The following GPM6B variants were observed in gnomAD, a reference collection of about 807,000 sequenced individuals.
GPM6B encodes neuronal membrane glycoprotein M6-b.
In GPM6B, 4 loss-of-function variants were observed where a neutral mutation model predicts 27.2. That is an observed-to-expected ratio of 0.15 (90% CI 0.07 to 0.34). The LOEUF (loss-of-function observed/expected upper bound fraction) is 0.34. Among genes scored for constraint, GPM6B ranks in the 10% least tolerant of loss-of-function variants. GPM6B has a pLI of 1.00. For missense variants in GPM6B, 183 were observed against 261.9 expected (o/e 0.70, Z 2.08); for synonymous variants, 124 against 103.1 (o/e 1.20, Z -1.23).
At chrX:13,806,958 TTGGA>T (rs2049033266) in intron 2 of GPM6B, among the ~76,000 whole-genome samples, 1 of 111,129 alleles carries the variant, frequency 9.0e-6, no homozygotes, top group African/African-American at 3.3e-5. Context: ...ACGTGGGAGG[TTGGA>T]TGTTCATACT....
At chrX:13,865,784 A>G (rs1476625669) in intron 1 of GPM6B, among the ~76,000 whole-genome samples, 2 of 107,399 alleles carry the variant, frequency 1.9e-5, no homozygotes, top group African/African-American at 6.7e-5. Context: ...ATAAAAAATG[A>G]AAGAAAAAAA....
chrX:13,885,093 C>T (rs1305558463), intron 1 of GPM6B, among the ~76,000 whole-genome samples: 1 of 112,166 alleles, frequency 8.9e-6, no homozygotes, highest in Non-Finnish European at 1.9e-5. Context: ...ATCTTGTTCC[C>T]CAACTCTGCA....
chrX:13,802,057 G>C (rs748055179), intron 2 of GPM6B, among the ~76,000 whole-genome samples: 185 of 111,339 alleles, frequency 1.7e-3, no homozygotes, highest in African/African-American at 5.6e-3. Flanking sequence ...CTAAGTGGCT[G>C]ATTTCAGCTA....
chrX:13,898,948 A>G (rs954888888), intron 1 of GPM6B, among the ~76,000 whole-genome samples: 1 of 112,132 alleles, frequency 8.9e-6, no homozygotes, highest in East Asian at 2.8e-4. Flanking sequence ...GGATCTACAT[A>G]TTAAAAATAA....
chrX:13,785,692 C>T lies in GPM6B; in HGVS notation c.298G>A (p.Ala100Thr), dbSNP rs748452654. 2.4e-5 allele frequency: 29 copies of T among 1,209,974 alleles called. No homozygotes were observed. The highest frequency in any genetic ancestry group is 1.4e-4 in the African/African-American group (8 of 57,203). Residue 100 changes from alanine to threonine, a missense_variant, in exon 3 of 8, where the codon GCA becomes ACA. Coordinates refer to ENST00000316715, the MANE Select transcript of GPM6B (RefSeq NM_001001995.3). ...TGCTCAAGAATCGCCACGGTGCCTG[C>T]GAGAGCCACATGCCCACAGCCGCAG... Reference protein sequence around the residue: ...LFCGCGHVALAGTVAILEQHF... With the variant: ...LFCGCGHVALTGTVAILEQHF...
chrX:13,875,461 C>G (rs1377671880), intron 1 of GPM6B, among the ~76,000 whole-genome samples: 1 of 111,467 alleles, frequency 9.0e-6, no homozygotes, highest in East Asian at 2.8e-4. Flanking sequence ...AAAGGCCGCA[C>G]GGGTAGCTCC....
At chrX:13,878,198 ATATTC>A (rs2050059071) in intron 1 of GPM6B, among the ~76,000 whole-genome samples, 1 of 111,003 alleles carries the variant, frequency 9.0e-6, no homozygotes, top group African/African-American at 3.3e-5. Flanking sequence ...ACTCTTACGA[ATATTC>A]TATTCAGAGT....
intron 2 of GPM6B, among the ~76,000 whole-genome samples, chrX:13,799,420 AT>A (rs1350292515): frequency 3.8e-5 from 4 of 104,100 alleles, no homozygotes; most frequent in Admixed American, 1.1e-4. Context: ...TTTAGTAGAG[AT>A]GGGGTTTCAC....
At chrX:13,793,822 GCACT>G (rs1319629214) in intron 2 of GPM6B, among the ~76,000 whole-genome samples, 2 of 111,083 alleles carry the variant, frequency 1.8e-5, no homozygotes, top group African/African-American at 6.6e-5. Flanking sequence ...ACTTCAATGA[GCACT>G]CAGTGTTATA....
At chrX:13,818,038 G>C (rs147047752), upstream of GPM6B, among the ~76,000 whole-genome samples, 69 of 112,079 alleles carry the variant, frequency 6.2e-4, no homozygotes, top group African/African-American at 2.1e-3. Context: ...ATAAAGGCTA[G>C]TATACCAATA....
chrX:13,915,216 G>A (rs771250419), intron 1 of GPM6B, among the ~76,000 whole-genome samples: 2 of 105,280 alleles, frequency 1.9e-5, no homozygotes, highest in East Asian at 6.0e-4. Flanking sequence ...GCAGAGAGCT[G>A]TGACTGTACC....
intron 1 of GPM6B, among the ~76,000 whole-genome samples, chrX:13,824,376 A>C (rs12010126): frequency 0.096 from 10,697 of 111,775 alleles, 802 homozygotes; most frequent in African/African-American, 0.25. Flanking sequence ...GAAGTTTTTA[A>C]AATATTGATG....
upstream of GPM6B, chrX:13,938,474 TG>T: frequency 1.1e-6 from 1 of 920,749 alleles, no homozygotes; most frequent in African/African-American, 2.0e-5. Context: ...CGCGAGACCG[TG>T]GCCGTGGCGC....
intron 1 of GPM6B, among the ~76,000 whole-genome samples, chrX:13,918,921 G>C (rs2050453016): frequency 8.9e-6 from 1 of 111,843 alleles, no homozygotes; most frequent in African/African-American, 3.2e-5. Context: ...GCCAATGCTG[G>C]GGATTACATT....
At chrX:13,850,798 G>A (rs1201946557) in intron 1 of GPM6B, among the ~76,000 whole-genome samples, 4 of 112,018 alleles carry the variant, frequency 3.6e-5, no homozygotes, top group East Asian at 5.5e-4. Flanking sequence ...TATTGGTATC[G>A]TTATTTAAAA....
chrX:13,817,881 A>G (rs985825872), upstream of GPM6B, among the ~76,000 whole-genome samples: 1 of 112,357 alleles, frequency 8.9e-6, no homozygotes, highest in Non-Finnish European at 1.9e-5. Flanking sequence ...TCACAAGTAT[A>G]TCGAGCTGAC....
At chrX:13,853,892 T>C (rs781307620) in intron 1 of GPM6B, among the ~76,000 whole-genome samples, 1 of 112,132 alleles carries the variant, frequency 8.9e-6, no homozygotes, top group East Asian at 2.8e-4. Context: ...ACCAGCCTTA[T>C]CACTTAGGGA....
intron 3 of GPM6B, among the ~76,000 whole-genome samples, 172 bp downstream of exon 3, chrX:13,785,450 A>AT (rs1253874997): frequency 5.5e-5 from 6 of 109,350 alleles, no homozygotes; most frequent in East Asian, 2.9e-4. Flanking sequence ...GCCCAGCTAA[A>AT]TTTTTTTTTG....
chrX:13,782,062 C>T (rs1316144040), intron 4 of GPM6B, among the ~76,000 whole-genome samples: 1 of 111,802 alleles, frequency 8.9e-6, no homozygotes, highest in Non-Finnish European at 1.9e-5. Context: ...CTGCATCTTC[C>T]TCACACCCTC....
Sources: allele counts gnomAD v4.1 joint callset (sites outside exome capture counted in the v4.1 genomes callset), GRCh38; gene constraint gnomAD v4.1.1; transcripts MANE v1.5; gene names NCBI Gene and HGNC (gene_info 2026-07-23, HGNC 2026-07-21).